The following NATD1 variants were observed in gnomAD, a reference collection of about 807,000 sequenced individuals.
NATD1 encodes protein NATD1.
NATD1 carries 9 observed loss-of-function variants against 12.0 expected under a neutral mutation model. That is an observed-to-expected ratio of 0.75 (90% CI 0.45 to 1.30). The LOEUF is 1.30. Among genes scored for constraint, NATD1 ranks in the 50% most tolerant of loss-of-function variants. The probability of loss-of-function intolerance (pLI) is 0.00; values close to 1 mark genes in which losing one functional copy is unlikely to be tolerated. For synonymous variants in NATD1, 71 were observed against 65.9 expected (o/e 1.08, Z -0.37); for missense variants, 148 against 148.5 (o/e 1.00, Z 0.02).
At chr17:21,252,367 G>C (rs1478221561) in intron 1 of NATD1, among the ~76,000 whole-genome samples, 2 of 152,196 alleles carry the variant, frequency 1.3e-5, no homozygotes, top group African/African-American at 2.4e-5. Flanking sequence ...CTGGCTTCAC[G>C]AATCACGATC....
At position 21,253,295 on chromosome 17, in the gene NATD1, G is replaced by T. The variant is rs1975397497; in HGVS notation, c.-31C>A. On this transcript the variant is annotated 5_prime_UTR_variant, in exon 1 of 3. Coordinates refer to ENST00000611551, the MANE Select transcript of NATD1 (RefSeq NM_152914.3). ...CGCGGGGCTGCGGCGCGGCGCCGGC[G>T]GGGGCCGGGGCGCGCGGGGAAAGGT... 2.2e-5 allele frequency: 20 copies of T among 930,072 alleles called. No homozygotes were observed. The South Asian group carries it at 7.1e-4, about 33-fold the overall frequency. 57.6% of individuals were successfully genotyped at this position (930,072 alleles called of 1,614,324 possible).
At chr17:21,245,573 C>T (rs923482257) in intron 1 of NATD1, among the ~76,000 whole-genome samples, 2 of 152,150 alleles carry the variant, frequency 1.3e-5, no homozygotes, top group Non-Finnish European at 2.9e-5. Context: ...AGAGTGGCTA[C>T]AATTCATCTC....
intron 1 of NATD1, 124 bp downstream of exon 1, chr17:21,253,035 T>C (rs1172047888): frequency 2.6e-6 from 1 of 384,044 alleles, no homozygotes; most frequent in Non-Finnish European, 3.6e-6. Flanking sequence ...GCAACAGCCT[T>C]CCCGGGCGGC....
intron 1 of NATD1, among the ~76,000 whole-genome samples, chr17:21,252,556 A>T (rs927104965): frequency 6.6e-6 from 1 of 152,144 alleles, no homozygotes; most frequent in African/African-American, 2.4e-5. Context: ...AGAGCCACTG[A>T]AGTCTTGATA....
In NATD1 at chr17:21,244,295, G is replaced by C. The variant is rs568321102; in HGVS notation, c.107-71C>G. 3.2e-5 allele frequency: 43 copies of C among 1,360,618 alleles called. No individual in the cohort carries two copies. The South Asian group carries it at 5.2e-4, about 17-fold the overall frequency. The allele number at this position is 1,360,618 out of a possible 1,614,324, so 84.3% of individuals were successfully genotyped here. Reference sequence around the variant, plus strand: ...GCGGACTCAGGCACCAAGACGGGTGGAGGGACAGGCATTTGGAGTCATTCA... The same window carrying C: ...GCGGACTCAGGCACCAAGACGGGTGCAGGGACAGGCATTTGGAGTCATTCA... On this transcript the variant is annotated intron_variant, in intron 1 of 2. Coordinates refer to ENST00000611551, the MANE Select transcript of NATD1 (RefSeq NM_152914.3). The surrounding 1 kb of genome is among the most constrained non-coding windows in gnomAD (Gnocchi z 5.2).
chr17:21,244,327 A>AG lies in NATD1; in HGVS notation c.107-104_107-103insC. On this transcript the variant is annotated intron_variant, in intron 1 of 2. Coordinates refer to ENST00000611551, the MANE Select transcript of NATD1 (RefSeq NM_152914.3). The surrounding 1 kb of genome is among the most constrained non-coding windows in gnomAD (Gnocchi z 5.2). The stretch of plus-strand genomic sequence containing the variant: ...AGGCATTTGGAGTCATTCAGCTGCT[A>AG]CAGCTGAATCCTGAATAACCTCTCA... 2.3e-5 allele frequency: 21 copies of AG among 904,512 alleles called. No individual in the cohort carries two copies. The highest frequency in any genetic ancestry group is 3.2e-5 in the Non-Finnish European group (19 of 593,326). The allele number at this position is 904,512 out of a possible 1,614,324, so 56.0% of individuals were successfully genotyped here.
chr17:21,243,426 C>A lies in NATD1; in HGVS notation c.229G>T (p.Ala77Ser). The change falls in exon 3 of 3, where the codon GCC becomes TCC. Residue 77 changes from alanine (A) to serine (S), a missense_variant. Ala to Ser is a moderately conservative substitution (Grantham distance 99). Transcript: ENST00000611551. ...RGIAKHLAKA[A>S]LDFVVEEDLK... ...TCCTCCTCCACCACGAAGTCCAGGG[C>A]GGCCTGGGAGCCGGGCAGAGAGGAG... 3 of 1,612,086 alleles carry A rather than the reference C, an allele frequency of 1.9e-6. No individual in the cohort carries two copies. The highest frequency in any genetic ancestry group is 2.5e-6 in the Non-Finnish European group (3 of 1,179,726).
chr17:21,245,514 A>C (rs1975317832), intron 1 of NATD1, among the ~76,000 whole-genome samples: 1 of 152,200 alleles, frequency 6.6e-6, no homozygotes, highest in South Asian at 2.1e-4. Context: ...GGCAGCAAGG[A>C]GGCCTTCTGG....
At chr17:21,250,424 C>T (rs1275785933) in intron 1 of NATD1, among the ~76,000 whole-genome samples, 1 of 152,242 alleles carries the variant, frequency 6.6e-6, no homozygotes, top group African/African-American at 2.4e-5. Flanking sequence ...CTGCACCTCT[C>T]ATGAAAGCCC....
chr17:21,253,140 C>A lies in NATD1; in HGVS notation c.106+19G>T. 1 of 1,010,744 alleles carries A rather than the reference C, an allele frequency of 9.9e-7. No homozygotes were observed. The highest frequency in any genetic ancestry group is 1.2e-6 in the Non-Finnish European group (1 of 846,870). The allele number at this position is 1,010,744 out of a possible 1,614,324, so 62.6% of individuals were successfully genotyped here. A position where few individuals can be genotyped will look rare whatever the true frequency, so the allele number is the denominator to read the frequency against. ...CTCGCTCGCAGACAAAAGGTCGGGGCGGGCCGGGGCCGCCTTACCGTTGAG... is the reference window on the plus strand; with the variant it reads ...CTCGCTCGCAGACAAAAGGTCGGGGAGGGCCGGGGCCGCCTTACCGTTGAG... On this transcript the variant is annotated intron_variant, in intron 1 of 2. Transcript: ENST00000611551.
In NATD1 at chr17:21,243,218, G is replaced by A. The variant is rs1363885386; in HGVS notation, c.*95C>T. The A allele has an allele frequency of 1.1e-6, 1 of 927,474 alleles. No individual in the cohort carries two copies. Among genetic ancestry groups the A allele is most frequent in the Non-Finnish European group, 1.7e-6 (1 of 602,210 alleles). The allele number at this position is 927,474 out of a possible 1,614,324, so 57.5% of individuals were successfully genotyped here. A position where few individuals can be genotyped will look rare whatever the true frequency, so the allele number is the denominator to read the frequency against. Reference sequence around the variant, plus strand: ...TCCTTACAAAAATAACTCTGAGTCTGTTCCCAGTGGGACCAGGTTCCTGAG... The same window carrying A: ...TCCTTACAAAAATAACTCTGAGTCTATTCCCAGTGGGACCAGGTTCCTGAG... On this transcript the variant is annotated 3_prime_UTR_variant, in exon 3 of 3. Coordinates refer to ENST00000611551, the MANE Select transcript of NATD1 (RefSeq NM_152914.3).
intron 1 of NATD1, among the ~76,000 whole-genome samples, chr17:21,250,991 C>T (rs559634553): frequency 5.3e-5 from 8 of 152,184 alleles, no homozygotes; most frequent in Non-Finnish European, 1.0e-4. Context: ...GAGGCCTGGG[C>T]TCAGACTCAG....
At position 21,244,280 on chromosome 17, in the gene NATD1, G is replaced by T; in HGVS notation, c.107-56C>A. ...CTGACTCCCATCCCAGCGGACTCAG[G>T]CACCAAGACGGGTGGAGGGACAGGC... On this transcript the variant is annotated intron_variant, in intron 1 of 2. Coordinates refer to ENST00000611551, the MANE Select transcript of NATD1 (RefSeq NM_152914.3). The surrounding 1 kb of genome is among the most constrained non-coding windows in gnomAD (Gnocchi z 5.2). 1 of 1,490,506 alleles carries T rather than the reference G, an allele frequency of 6.7e-7. No individual in the cohort carries two copies. The highest frequency in any genetic ancestry group is 9.2e-7 in the Non-Finnish European group (1 of 1,087,890). The allele number at this position is 1,490,506 out of a possible 1,614,324, so 92.3% of individuals were successfully genotyped here.
rs1435961029 is a variant in NATD1 at position 21,240,382 on chromosome 17, CCACCTCGACCTCCA to C, written c.*2917_*2930del. The C allele has an allele frequency of 3.3e-5, 5 of 152,436 alleles. No homozygotes were observed. The highest frequency in any genetic ancestry group is 5.9e-5 in the Non-Finnish European group (4 of 68,166). The allele number at this position is 152,436 out of a possible 1,614,324, so 9.4% of individuals were successfully genotyped here. A position where few individuals can be genotyped will look rare whatever the true frequency, so the allele number is the denominator to read the frequency against. On this transcript the variant is annotated 3_prime_UTR_variant, in exon 3 of 3. Transcript: ENST00000611551. ...GGGAGGGAAGCCCGCCTCCCCCTCC[CCACCTCGACCTCCA>C]CACCAGTTAAGGCTGACCGGCAGGT...
chr17:21,242,096 C>G lies in NATD1; in HGVS notation c.*1217G>C, dbSNP rs1353956693. 6.6e-6 allele frequency: 1 copy of G among 152,596 alleles called. No individual in the cohort carries two copies. The highest frequency in any genetic ancestry group is 2.4e-5 in the African/African-American group (1 of 41,444). 9.5% of individuals were successfully genotyped at this position (152,596 alleles called of 1,614,324 possible). A position where few individuals can be genotyped will look rare whatever the true frequency, so the allele number is the denominator to read the frequency against. ...AACAAATGTCTCAGCCCTAAAGGGC[C>G]CCTGGCTCCAGGTCACCCTCCAGCT... On this transcript the variant is annotated 3_prime_UTR_variant, in exon 3 of 3. Transcript: ENST00000611551.
rs140349556 is a variant in NATD1 at position 21,243,169 on chromosome 17, C to A, written c.*144G>T. On this transcript the variant is annotated 3_prime_UTR_variant, in exon 3 of 3. Transcript: ENST00000611551. ...TCATTGGTCAGCTGCCTCCAGGGAT[C>A]TGGACGTGGGGCACAGATGAGTGTC... 3.1e-6 allele frequency: 2 copies of A among 640,400 alleles called. No homozygotes were observed. The highest frequency in any genetic ancestry group is 5.9e-5 in the Admixed American group (2 of 34,102). 39.7% of individuals were successfully genotyped at this position (640,400 alleles called of 1,614,324 possible).
chr17:21,248,887 T>C (rs995098405), intron 1 of NATD1, among the ~76,000 whole-genome samples: 1 of 152,000 alleles, frequency 6.6e-6, no homozygotes, highest in African/African-American at 2.4e-5. Context: ...ACCTCACCTG[T>C]CCCTGGATGA....
rs934108764 is a variant in NATD1, at chr17:21,241,423, T to G, written c.*1890A>C. 1 of 152,408 alleles carries G rather than the reference T, an allele frequency of 6.6e-6. No individual in the cohort carries two copies. Among genetic ancestry groups the G allele is most frequent in the Non-Finnish European group, 1.5e-5 (1 of 68,162 alleles). 9.4% of individuals were successfully genotyped at this position (152,408 alleles called of 1,614,324 possible). A position where few individuals can be genotyped will look rare whatever the true frequency, so the allele number is the denominator to read the frequency against. ...CCCTAGCTCTGCTGCCCTGGGACAGTAAGGGGAAGGCCCAGGCCTGGCTGC... is the reference window on the plus strand; with the variant it reads ...CCCTAGCTCTGCTGCCCTGGGACAGGAAGGGGAAGGCCCAGGCCTGGCTGC... On this transcript the variant is annotated 3_prime_UTR_variant, in exon 3 of 3. Coordinates refer to ENST00000611551, the MANE Select transcript of NATD1 (RefSeq NM_152914.3).
intron 1 of NATD1, among the ~76,000 whole-genome samples, chr17:21,251,853 C>T (rs991810193): frequency 6.6e-6 from 1 of 152,224 alleles, no homozygotes; most frequent in African/African-American, 2.4e-5. Context: ...TTTCCTGGCC[C>T]TCCACCTTCC....
Sources: allele counts gnomAD v4.1 joint callset (sites outside exome capture counted in the v4.1 genomes callset), GRCh38; gene constraint gnomAD v4.1.1; non-coding constraint Gnocchi (gnomAD v3.1); transcripts MANE v1.5; gene names NCBI Gene and HGNC (gene_info 2026-07-23, HGNC 2026-07-21).